LINS1: variants seen among roughly 807,000 people sequenced by gnomAD.
LINS1 encodes lines homolog 1, also known as protein Lines homolog 1.
Under a neutral mutation model 41.6 loss-of-function variants are expected in LINS1, and 27 were observed. That is an observed-to-expected ratio of 0.65 (90% CI 0.48 to 0.89). LINS1 has a LOEUF of 0.89. LINS1 is among the 40% of genes least tolerant of loss of function. The probability of loss-of-function intolerance (pLI) is 0.00; values close to 1 mark genes in which losing one functional copy is unlikely to be tolerated. For synonymous variants in LINS1, 336 were observed against 312.9 expected (o/e 1.07, Z -0.78); for missense variants, 955 against 884.1 (o/e 1.08, Z -1.02).
At chr15:100,590,753 T>C (rs147549025) in intron 1 of LINS1, among the ~76,000 whole-genome samples, 92 of 152,242 alleles carry the variant, frequency 6.0e-4, no homozygotes, top group Middle Eastern at 3.4e-3. Flanking sequence ...AACAAAGAGA[T>C]TGCTTGGTTA....
At chr15:100,588,406 C>T (rs1053640336) in intron 1 of LINS1, among the ~76,000 whole-genome samples, 2 of 152,110 alleles carry the variant, frequency 1.3e-5, no homozygotes, top group Non-Finnish European at 2.9e-5. Context: ...TTTTAATTAA[C>T]TGGTTAATAA....
At chr15:100,579,470 G>GA (rs368732443) in intron 3 of LINS1, among the ~76,000 whole-genome samples, 1,414 of 139,324 alleles carry the variant, frequency 0.01, 11 homozygotes, top group African/African-American at 0.032. Context: ...TGACAGTAAA[G>GA]AAAAAAAAAA....
intron 3 of LINS1, among the ~76,000 whole-genome samples, chr15:100,579,755 T>G (rs1199628757): frequency 6.6e-6 from 1 of 152,204 alleles, no homozygotes; most frequent in Non-Finnish European, 1.5e-5. Context: ...GTTGTTAGAA[T>G]TTACATTAAA....
Position 100,580,881 on chromosome 15 carries a change from C to G in LINS1, c.-39G>C, listed in dbSNP as rs770751562. The G allele has an allele frequency of 4.4e-6, 7 of 1,574,292 alleles. No individual in the cohort carries two copies. Among genetic ancestry groups the G allele is most frequent in the Non-Finnish European group, 6.1e-6 (7 of 1,151,814 alleles). The stretch of plus-strand genomic sequence containing the variant: ...ATGTATCTTATAAGAAGGTCGACAA[C>G]TCCAAGTTGTAAACATTAAATCTCA... On this transcript the variant is annotated 5_prime_UTR_variant, in exon 2 of 7. Transcript: ENST00000314742.
chr15:100,582,734 T>C (rs1366701223), intron 1 of LINS1, among the ~76,000 whole-genome samples: 2 of 149,416 alleles, frequency 1.3e-5, no homozygotes, highest in Non-Finnish European at 3.0e-5. Context: ...GGTCTTATAC[T>C]GGGTCTTCCA....
chr15:100,572,150 A>C, intron 5 of LINS1, 85 bp from the exon 6 acceptor site: 1 of 1,562,214 alleles, frequency 6.4e-7, no homozygotes, highest in Non-Finnish European at 8.7e-7. Context: ...ATAGTGTCTA[A>C]AGTACCTTAA....
At chr15:100,590,078 T>C (rs555677524) in intron 1 of LINS1, among the ~76,000 whole-genome samples, 71 of 152,242 alleles carry the variant, frequency 4.7e-4, no homozygotes, top group Non-Finnish European at 7.4e-4. Flanking sequence ...TGTACACCCA[T>C]AGGAACCCTT....
At position 100,571,950 on chromosome 15, in the gene LINS1, G is replaced by A. The variant is rs766300227; in HGVS notation, c.1338C>T (p.Asp446=). The A allele has an allele frequency of 2.5e-5, 40 of 1,614,060 alleles. No individual in the cohort carries two copies. Among genetic ancestry groups the A allele is most frequent in the Non-Finnish European group, 3.0e-5 (35 of 1,180,044 alleles). The change falls in exon 6 of 7, where the codon GAC becomes GAT. Residue 446 remains aspartate, a synonymous_variant. Coordinates refer to ENST00000314742, the MANE Select transcript of LINS1 (RefSeq NM_001040616.3). ...KWLSRVFIEQ[D]DDMLEAAKAS... The stretch of plus-strand genomic sequence containing the variant: ...CCTTGGCAGCCTCCAGCATGTCATC[G>A]TCTTGTTCTATGAAAACCCGAGACA...
intron 1 of LINS1, among the ~76,000 whole-genome samples, chr15:100,581,398 T>A (rs2038535583): frequency 6.6e-6 from 1 of 152,188 alleles, no homozygotes; most frequent in South Asian, 2.1e-4. Flanking sequence ...TTGTCAAATG[T>A]CCCCTGGGGG....
chr15:100,593,669 C>G (rs1179374693), intron 1 of LINS1, among the ~76,000 whole-genome samples: 1 of 151,976 alleles, frequency 6.6e-6, no homozygotes, highest in Admixed American at 6.6e-5. Flanking sequence ...GCCAGAAAAT[C>G]TAATATCAGA....
chr15:100,582,247 C>T (rs1281066041), intron 1 of LINS1, among the ~76,000 whole-genome samples: 2 of 146,996 alleles, frequency 1.4e-5, no homozygotes, highest in African/African-American at 5.0e-5. Context: ...GGTCTTCTGT[C>T]TACACTATGG....
chr15:100,569,054 G>A lies in LINS1; in HGVS notation c.*184C>T, dbSNP rs2037653805. The A allele has an allele frequency of 4.3e-6, 2 of 465,036 alleles. No individual in the cohort carries two copies. Among genetic ancestry groups the A allele is most frequent in the Non-Finnish European group, 7.7e-6 (2 of 258,196 alleles). 28.8% of individuals were successfully genotyped at this position (465,036 alleles called of 1,614,324 possible). ...CAGGAGAATTGCTTGAACCCAGGAG[G>A]TGGAGGTTGCAGTGAGTCGAGTCAC... On this transcript the variant is annotated 3_prime_UTR_variant, in exon 7 of 7. Transcript: ENST00000314742.
At chr15:100,575,223 A>T (rs1236819983) in intron 3 of LINS1, 95 bp from the exon 4 acceptor site, 1 of 1,106,556 alleles carries the variant, frequency 9.0e-7, no homozygotes, top group Non-Finnish European at 1.3e-6. Context: ...TGGCCAAAAG[A>T]AGTATGATAA....
chr15:100,570,203 T>G lies in LINS1; in HGVS notation c.1395-86A>C, dbSNP rs2037748133. On this transcript the variant is annotated intron_variant, in intron 6 of 6. Coordinates refer to ENST00000314742, the MANE Select transcript of LINS1 (RefSeq NM_001040616.3). ...CAGATATAATTCACATACCATAAAT[T>G]AACCTATTAGATTACTTTTAAATCT... 7 of 1,098,172 alleles carry G rather than the reference T, an allele frequency of 6.4e-6. No homozygotes were observed. The Admixed American group carries it at 1.6e-4, about 26-fold the overall frequency. 68.0% of individuals were successfully genotyped at this position (1,098,172 alleles called of 1,614,324 possible).
At chr15:100,592,236 G>A (rs2039070812) in intron 1 of LINS1, among the ~76,000 whole-genome samples, 1 of 152,184 alleles carries the variant, frequency 6.6e-6, no homozygotes, top group Non-Finnish European at 1.5e-5. Context: ...TGCTTTTGTT[G>A]CTTCATTCTT....
chr15:100,570,168 ACAG>A, intron 6 of LINS1, 51 bp from the exon 7 acceptor site: 1 of 474,490 alleles, frequency 2.1e-6, no homozygotes, highest in South Asian at 3.1e-5. Context: ...ACAAAAATAA[ACAG>A]TTTTACCAGA....
intron 1 of LINS1, among the ~76,000 whole-genome samples, chr15:100,600,551 CAAAAAA>C (rs56911211): frequency 1.3e-5 from 1 of 79,674 alleles, no homozygotes; most frequent in Non-Finnish European, 2.2e-5. Flanking sequence ...TGCTGTTAAG[CAAAAAA>C]AAAAAAAAAA....
rs545484968 is a variant in LINS1, at chr15:100,575,225, G to C, written c.490-97C>G. ...TTGTTTATACATTTGGCCAAAAGAA[G>C]TATGATAATATGTGGCACACCGAGA... On this transcript the variant is annotated intron_variant, in intron 3 of 6. Coordinates refer to ENST00000314742, the MANE Select transcript of LINS1 (RefSeq NM_001040616.3). 28 of 1,090,898 alleles carry C rather than the reference G, an allele frequency of 2.6e-5. No homozygotes were observed. The South Asian group carries it at 3.5e-4, about 14-fold the overall frequency. The allele number at this position is 1,090,898 out of a possible 1,614,324, so 67.6% of individuals were successfully genotyped here. A position where few individuals can be genotyped will look rare whatever the true frequency, so the allele number is the denominator to read the frequency against.
Position 100,569,697 on chromosome 15 carries a change from C to A in LINS1, c.1815G>T (p.Met605Ile). ...CACACATGGTGTGAGCCCCCTTGGACATCACAGCTTTCAGTGGTTCAGAGG... is the reference window on the plus strand; with the variant it reads ...CACACATGGTGTGAGCCCCCTTGGAAATCACAGCTTTCAGTGGTTCAGAGG... ...DAPSEPLKAVMSKGAHTMCAS... is the reference protein window; with the variant it reads ...DAPSEPLKAVISKGAHTMCAS... The change falls in exon 7 of 7, where the codon ATG becomes ATT. Residue 605 changes from methionine to isoleucine, a missense_variant. Met to Ile is a conservative substitution (Grantham distance 10). Coordinates refer to ENST00000314742, the MANE Select transcript of LINS1 (RefSeq NM_001040616.3). 7 of 1,613,812 alleles carry A rather than the reference C, an allele frequency of 4.3e-6. No homozygotes were observed. The highest frequency in any genetic ancestry group is 5.9e-6 in the Non-Finnish European group (7 of 1,179,822).
Sources: allele counts gnomAD v4.1 joint callset (sites outside exome capture counted in the v4.1 genomes callset), GRCh38; gene constraint gnomAD v4.1.1; transcripts MANE v1.5; gene names NCBI Gene and HGNC (gene_info 2026-07-23, HGNC 2026-07-21).